LGALS8: variants seen among roughly 807,000 people sequenced by gnomAD.
LGALS8 encodes the protein galectin 8.
LGALS8 carries 30 observed loss-of-function variants against 35.9 expected under a neutral mutation model. The observed-to-expected ratio is 0.83, with a 90% confidence interval of 0.62 to 1.13. The LOEUF (loss-of-function observed/expected upper bound fraction) is 1.13, where lower values mean the gene tolerates loss of function less well. Ranked by LOEUF, LGALS8 falls within the 50% of genes most tolerant of loss-of-function variation. The pLI is 0.00. For missense variants in LGALS8, 366 were observed against 388.7 expected (o/e 0.94, Z 0.49); for synonymous variants, 138 against 136.1 (o/e 1.01, Z -0.10).
chr1:236,532,096 T>C (rs915187061), intron 2 of LGALS8, among the ~76,000 whole-genome samples: 19 of 152,050 alleles, frequency 1.2e-4, no homozygotes, highest in African/African-American at 4.6e-4. Context: ...CTCACACATA[T>C]CAAAAAATTC....
upstream of LGALS8, chr1:236,523,195 A>T (rs1291278389): frequency 1.3e-5 from 2 of 152,174 alleles, no homozygotes; most frequent in African/African-American, 4.8e-5. Flanking sequence ...AGCATCTAAT[A>T]GGCACAGAAT....
intron 2 of LGALS8, among the ~76,000 whole-genome samples, chr1:236,537,078 G>A (rs899716636): frequency 2.7e-5 from 4 of 149,048 alleles, no homozygotes; most frequent in South Asian, 2.1e-4. Context: ...GCATAGTGGC[G>A]CGATCTCGGC....
At chr1:236,535,834 G>C (rs1661456511) in intron 2 of LGALS8, among the ~76,000 whole-genome samples, 1 of 152,236 alleles carries the variant, frequency 6.6e-6, no homozygotes, top group South Asian at 2.1e-4. Context: ...GAGCTTGTGG[G>C]CTCAGCTTGC....
At chr1:236,533,335 C>G (rs966876593) in intron 2 of LGALS8, among the ~76,000 whole-genome samples, 19 of 132,128 alleles carry the variant, frequency 1.4e-4, no homozygotes, top group Non-Finnish European at 2.7e-4. Context: ...ACTGCTCCCC[C>G]ACCCTTTTTT....
At chr1:236,535,860 TTGTTGCCTCTCCTC>T (rs1048620054) in intron 2 of LGALS8, among the ~76,000 whole-genome samples, 1 of 152,248 alleles carries the variant, frequency 6.6e-6, no homozygotes, top group African/African-American at 2.4e-5. Context: ...AGCAGCTGCT[TTGTTGCCTCTCCTC>T]TGTATGTGTG....
chr1:236,543,338 G>A, intron 7 of LGALS8: 1 of 676,516 alleles, frequency 1.5e-6, no homozygotes, highest in Non-Finnish European at 2.7e-6. Context: ...GTCCCACCCT[G>A]TCACTCATTT....
intron 2 of LGALS8, among the ~76,000 whole-genome samples, chr1:236,534,050 TGAA>T (rs1661314734): frequency 6.6e-6 from 1 of 151,782 alleles, no homozygotes; most frequent in Non-Finnish European, 1.5e-5. Context: ...CTTGCCAGAG[TGAA>T]TACTGCGTCA....
intron 6 of LGALS8, 30 bp from the exon 7 acceptor site, chr1:236,542,731 C>T (rs1662082833): frequency 6.2e-7 from 1 of 1,610,982 alleles, no homozygotes; most frequent in Non-Finnish European, 8.5e-7. Context: ...CCCCTTCTAA[C>T]ATTGTTGTGT....
At chr1:236,533,255 A>T (rs538281302) in intron 2 of LGALS8, among the ~76,000 whole-genome samples, 1 of 152,128 alleles carries the variant, frequency 6.6e-6, no homozygotes, top group South Asian at 2.1e-4. Context: ...CTTCTTCATA[A>T]ACTGTCTTTG....
intron 7 of LGALS8, chr1:236,543,321 G>A: frequency 1.5e-6 from 1 of 660,994 alleles, no homozygotes. Flanking sequence ...CATACAGAGG[G>A]CATCGGGTCC....
chr1:236,537,021 C>CTTTTTTTTTTTTTTTTTTTTT (rs60024224), intron 2 of LGALS8, among the ~76,000 whole-genome samples: 3 of 137,890 alleles, frequency 2.2e-5, no homozygotes, highest in African/African-American at 8.7e-5. Flanking sequence ...TATGCAGTTC[C>CTTTTTTTTTTTTTTTTTTTTT]TTTTTTTTTT....
chr1:236,541,169 A>G (rs1374785007), intron 5 of LGALS8: 1 of 160,296 alleles, frequency 6.2e-6, no homozygotes, highest in Non-Finnish European at 1.4e-5. Flanking sequence ...GGTTGCCTAC[A>G]GTATTTGGTA....
At position 236,543,598 on chromosome 1, in the gene LGALS8, C is replaced by A. The variant is rs763976797; in HGVS notation, c.588C>A (p.Gly196=). The change falls in exon 8 of 10, where the codon GGC becomes GGA. Residue 196 remains glycine (G), a synonymous_variant. Transcript: ENST00000366584. ...PFAARLNTPM[G]PGRTVVVKGE... is the part of the protein sequence containing the mutation. ...CTGCAAGGTTGAACACCCCCATGGGCCCTGGACGAACTGTCGTCGTTAAAG... is the reference window on the plus strand; with the variant it reads ...CTGCAAGGTTGAACACCCCCATGGGACCTGGACGAACTGTCGTCGTTAAAG... The A allele has an allele frequency of 6.2e-7, 1 of 1,614,032 alleles. No homozygotes were observed. The highest frequency in any genetic ancestry group is 1.1e-5 in the South Asian group (1 of 91,072).
At chr1:236,525,896 A>C (rs1660789693) in intron 1 of LGALS8, 72 bp from the exon 2 acceptor site, 4 of 485,218 alleles carry the variant, frequency 8.2e-6, no homozygotes, top group Non-Finnish European at 1.5e-5. Flanking sequence ...ATATAATTTA[A>C]ATTTTAAAAT....
chr1:236,538,964 G>A lies in LGALS8; in HGVS notation c.220G>A (p.Gly74Ser), dbSNP rs766088846. ...FHFNPRFKRA[G>S]CIVCNTLINE... ...TTTCAATCCTCGTTTCAAAAGGGCCGGCTGCATTGTTTGCAATACTTTGAT... is the reference window on the plus strand; with the variant it reads ...TTTCAATCCTCGTTTCAAAAGGGCCAGCTGCATTGTTTGCAATACTTTGAT... Residue 74 changes from glycine (G) to serine (S), a missense_variant, in exon 4 of 10, where the codon GGC (glycine) becomes AGC (serine). Transcript: ENST00000366584. The A allele has an allele frequency of 3.0e-5, 48 of 1,613,996 alleles. No individual in the cohort carries two copies. Among genetic ancestry groups the A allele is most frequent in the African/African-American group, 2.5e-4 (19 of 74,896 alleles).
At chr1:236,528,804 A>ACC (rs1660978090) in intron 2 of LGALS8, among the ~76,000 whole-genome samples, 16 of 151,922 alleles carry the variant, frequency 1.1e-4, no homozygotes, top group Admixed American at 5.9e-4. Context: ...TACAGGCATG[A>ACC]GCCACCATGC....
At chr1:236,527,007 G>A (rs1043452296) in intron 2 of LGALS8, among the ~76,000 whole-genome samples, 2 of 152,150 alleles carry the variant, frequency 1.3e-5, no homozygotes, top group Admixed American at 6.5e-5. Context: ...GTGGTAGTAA[G>A]TTTAAAAAAG....
At chr1:236,546,230 A>G (rs1176260203) in intron 9 of LGALS8, among the ~76,000 whole-genome samples, 3 of 152,238 alleles carry the variant, frequency 2.0e-5, no homozygotes. Context: ...TGAAGGAATG[A>G]ATAGATGAAT....
At chr1:236,535,060 C>CAAAAA (rs5781893) in intron 2 of LGALS8, among the ~76,000 whole-genome samples, 1 of 64,900 alleles carries the variant, frequency 1.5e-5, no homozygotes, top group African/African-American at 6.3e-5. Flanking sequence ...GACTCTGTCT[C>CAAAAA]AAAAAAAAAA....
Sources: gnomAD v4.1 joint callset for allele counts (sites outside exome capture counted in the v4.1 genomes callset) on GRCh38, gnomAD v4.1.1 for gene constraint, MANE v1.5 for transcripts, NCBI Gene and HGNC (gene_info 2026-07-23, HGNC 2026-07-21) for gene names.